Variants in TET3 observed in about 807,000 individuals in gnomAD.
The protein encoded by TET3 is methylcytosine dioxygenase TET3.
TET3 carries 19 observed loss-of-function variants against 141.4 expected under a neutral mutation model. That is an observed-to-expected ratio of 0.13 (90% CI 0.09 to 0.20). The LOEUF is 0.20. Ranked by LOEUF, TET3 falls within the 10% of genes least tolerant of loss-of-function variation. The pLI, the probability that TET3 is intolerant of heterozygous loss-of-function variation, is 1.00. For synonymous variants in TET3, 1,043 were observed against 980.9 expected (o/e 1.06, Z -1.18); for missense variants, 1,874 against 2,356.9 (o/e 0.80, Z 4.24).
At chr2:74,116,392 G>A in the TET3 span, among the ~76,000 whole-genome samples, 1 of 152,064 alleles carries the variant, frequency 6.6e-6, no homozygotes, top group African/African-American at 2.4e-5. Context: ...TTATATCAAA[G>A]AGATATCTGG....
intron 6 of TET3, among the ~76,000 whole-genome samples, chr2:74,082,074 A>G (rs376293689): frequency 6.6e-6 from 1 of 151,608 alleles, no homozygotes; most frequent in East Asian, 1.9e-4. Flanking sequence ...TCATGCAGTC[A>G]TTGAGGAATT....
At chr2:74,113,786 A>G in the TET3 span, among the ~76,000 whole-genome samples, 2 of 146,982 alleles carry the variant, frequency 1.4e-5, no homozygotes, top group Non-Finnish European at 3.0e-5. Flanking sequence ...CAAAACACTG[A>G]TGAAAGATAT....
rs1447944572 is a variant in TET3 at position 74,087,320 on chromosome 2, C to T, written c.2680-510C>T. Among the ~76,000 whole-genome samples the T allele has an allele frequency of 2.0e-5, 3 of 152,102 alleles. No individual in the cohort carries two copies. Among genetic ancestry groups the T allele is most frequent in the East Asian group, 1.9e-4 (1 of 5,194 alleles). On this transcript the variant is annotated intron_variant, in intron 6 of 11. Coordinates refer to ENST00000409262, the MANE Select transcript of TET3 (RefSeq NM_001287491.2). The surrounding 1 kb of genome is among the most constrained non-coding windows in gnomAD (Gnocchi z 4.3). ...TGCCTGAGTCCTGCTCTCAGTCCCT[C>T]GAGTGTATTCCTAGGCATGGAATTG...
chr2:74,134,213 C>T, the TET3 span, among the ~76,000 whole-genome samples: 17 of 152,312 alleles, frequency 1.1e-4, 1 homozygote, highest in South Asian at 3.5e-3. Context: ...CACCGTATCA[C>T]CTGAAAGCCG....
Position 74,016,116 on chromosome 2 carries a change from C to T in TET3, c.360+12950C>T, listed in dbSNP as rs372067461. ...GGCGTGGTGGCTCATGCTTATAGTC[C>T]CAGTGCTTTGGCAGGCCAAGGCAGG... On this transcript the variant is annotated intron_variant, in intron 3 of 11. Transcript: ENST00000409262. Among the ~76,000 whole-genome samples, 6 of 151,238 alleles carry T rather than the reference C, an allele frequency of 4.0e-5. No homozygotes were observed. In the East Asian group the frequency reaches 5.8e-4, roughly 15 times the overall value.
intron 3 of TET3, among the ~76,000 whole-genome samples, chr2:74,043,872 C>T (rs922577806): frequency 2.6e-5 from 4 of 152,116 alleles, no homozygotes; most frequent in Admixed American, 2.6e-4. Flanking sequence ...ACTTAAAACA[C>T]TTTGAGGCCA....
chr2:74,002,582 C>T (rs908398732), intron 2 of TET3: 8 of 322,398 alleles, frequency 2.5e-5, no homozygotes, highest in African/African-American at 1.3e-4. Context: ...CGGCTGCGCC[C>T]CCGCCTCCCG....
At chr2:74,003,853 G>A (rs1193539094) in intron 3 of TET3, among the ~76,000 whole-genome samples, 1 of 151,272 alleles carries the variant, frequency 6.6e-6, no homozygotes, top group Non-Finnish European at 1.5e-5. Flanking sequence ...GGTTGTCTGG[G>A]GGGCGGGGAG....
intron 3 of TET3, among the ~76,000 whole-genome samples, chr2:74,018,129 G>A (rs551918257): frequency 6.6e-5 from 10 of 152,032 alleles, no homozygotes; most frequent in Admixed American, 2.0e-4. Context: ...CACCGTGCCC[G>A]ACTAATTTTG....
Position 74,101,528 on chromosome 2 carries a change from G to C in TET3, c.4740G>C (p.Gln1580His), listed in dbSNP as rs1691215790. The part of the protein sequence containing the change: ...AGASQLDRAW[Q>H]SFGLPLGSSE... ...CCAGCCAGCTGGACAGGGCCTGGCA[G>C]TCCTTTGGTCTGCCCCTGGGATCCA... The change falls in exon 12 of 12, where the codon CAG becomes CAC. Residue 1580 changes from glutamine to histidine, a missense_variant. Gln to His is a conservative substitution (Grantham distance 24, BLOSUM62 0). Coordinates refer to ENST00000409262, the MANE Select transcript of TET3 (RefSeq NM_001287491.2). This position sits in a 1 kb window ranked among gnomAD's most constrained non-coding sequence, Gnocchi z 8.5. 1 of 1,611,440 alleles carries C rather than the reference G, an allele frequency of 6.2e-7. No homozygotes were observed. Among genetic ancestry groups the C allele is most frequent in the South Asian group, 1.1e-5 (1 of 90,764 alleles).
intron 2 of TET3, among the ~76,000 whole-genome samples, chr2:73,996,034 C>T (rs1026823889): frequency 2.6e-5 from 4 of 152,176 alleles, no homozygotes; most frequent in African/African-American, 7.2e-5. Flanking sequence ...GACTCCTCCC[C>T]ACCTACAGTC....
At chr2:74,060,534 AT>A (rs1042776380) in intron 4 of TET3, among the ~76,000 whole-genome samples, 11 of 151,136 alleles carry the variant, frequency 7.3e-5, no homozygotes, top group Admixed American at 6.0e-4. Flanking sequence ...ATTTATTATT[AT>A]TTTTTTTTAT....
intron 4 of TET3, among the ~76,000 whole-genome samples, chr2:74,053,100 AT>A (rs1461027102): frequency 2.6e-5 from 4 of 152,356 alleles, no homozygotes; most frequent in Admixed American, 2.6e-4. Context: ...AAGTAAACTT[AT>A]AAGCTATGAA....
At chr2:74,124,397 G>A in the TET3 span, among the ~76,000 whole-genome samples, 33,509 of 151,786 alleles carry the variant, frequency 0.22, 4,279 homozygotes, top group East Asian at 0.49. Context: ...GGGAGGTGGG[G>A]GGCGCCTCTG....
At chr2:74,045,820 C>T (rs1364829011) in intron 3 of TET3, among the ~76,000 whole-genome samples, 1 of 152,226 alleles carries the variant, frequency 6.6e-6, no homozygotes, top group Non-Finnish European at 1.5e-5. Context: ...CAAAGCTCCT[C>T]TTTCCCTACC....
rs758581520 is a variant in TET3, at chr2:74,087,914, G to A, written c.2764G>A (p.Val922Ile). The A allele has an allele frequency of 5.7e-5, 88 of 1,552,044 alleles. 1 individual carries two copies. The African/African-American group carries it at 9.6e-4, about 17-fold the overall frequency. ...CCACCACTGCCAGAACGCTGTGATC[G>A]TCATCCTCATCCTGGCCTGGGAGGG... is the stretch of plus-strand genomic sequence containing the variant. Reference protein sequence around the residue: ...AGHHCQNAVIVILILAWEGIP... With the variant: ...AGHHCQNAVIIILILAWEGIP... Residue 922 changes from valine to isoleucine, a missense_variant, in exon 7 of 12, where the codon GTC (valine) becomes ATC (isoleucine). Coordinates refer to ENST00000409262, the MANE Select transcript of TET3 (RefSeq NM_001287491.2). The surrounding 1 kb of genome is among the most constrained non-coding windows in gnomAD (Gnocchi z 4.3).
At chr2:74,027,000 G>C (rs886893204) in intron 3 of TET3, among the ~76,000 whole-genome samples, 6 of 152,174 alleles carry the variant, frequency 3.9e-5, no homozygotes, top group African/African-American at 1.4e-4. Context: ...TTCTTTGACG[G>C]AAAAGGGACC....
At chr2:74,098,564 C>T (rs1049306209) in intron 10 of TET3, among the ~76,000 whole-genome samples, 5 of 150,932 alleles carry the variant, frequency 3.3e-5, no homozygotes, top group African/African-American at 1.2e-4. Flanking sequence ...TTTCTATAAT[C>T]AGCACATAGA....
Position 74,080,538 on chromosome 2 carries a change from A to G in TET3, c.2626A>G (p.Ile876Val). ...KGKAIRIEKVIYTGKEGKSSR... is the reference protein window; with the variant it reads ...KGKAIRIEKVVYTGKEGKSSR... ...GAAAGCCATCCGGATCGAGAAGGTC[A>G]TCTACACGGGGAAGGAGGGAAAGAG... Residue 876 changes from isoleucine to valine, a missense_variant, in exon 6 of 12, where the codon ATC becomes GTC. Physicochemically the swap from Ile to Val is conservative, Grantham distance 29. Transcript: ENST00000409262. 1.9e-6 allele frequency: 3 copies of G among 1,613,466 alleles called. No homozygotes were observed. Among genetic ancestry groups the G allele is most frequent in the African/African-American group, 1.3e-5 (1 of 75,004 alleles).
Sources: allele counts gnomAD v4.1 joint callset (sites outside exome capture counted in the v4.1 genomes callset), GRCh38; gene constraint gnomAD v4.1.1; non-coding constraint Gnocchi (gnomAD v3.1); transcripts MANE v1.5; gene names NCBI Gene and HGNC (gene_info 2026-07-23, HGNC 2026-07-21).